Variants in CD160 observed in about 807,000 individuals in gnomAD.
The protein encoded by CD160 is CD160 antigen.
A neutral mutation model predicts 19.2 loss-of-function variants in CD160; 11 were observed. The ratio of observed to expected loss-of-function variants is 0.57; its 90% CI spans 0.36 to 0.95. CD160 has a LOEUF of 0.95. Among genes scored for constraint, CD160 ranks in the 40% least tolerant of loss-of-function variants. The pLI, the probability that CD160 is intolerant of heterozygous loss-of-function variation, is 0.01. For synonymous variants in CD160, 75 were observed against 81.1 expected (o/e 0.93, Z 0.40); for missense variants, 182 against 213.2 (o/e 0.85, Z 0.91).
chr1:145,736,831 C>T (rs1272506594), intron 5 of CD160: 1 of 152,412 alleles, frequency 6.6e-6, no homozygotes, highest in Non-Finnish European at 1.5e-5. Flanking sequence ...ACGAAAAGTC[C>T]CACACATATG....
chr1:145,738,362 C>T, intron 5 of CD160, 124 bp from the exon 6 acceptor site: 1 of 538,858 alleles, frequency 1.9e-6, no homozygotes, highest in East Asian at 3.1e-5. Flanking sequence ...TTTCCTTTTC[C>T]AATCCCTTTA....
chr1:145,730,673 T>A, intron 3 of CD160, 71 bp from the exon 4 acceptor site: 1 of 1,257,318 alleles, frequency 8.0e-7, no homozygotes, highest in Admixed American at 1.9e-5. Context: ...CTTCTAGTGA[T>A]AAGGAGCAGT....
At chr1:145,735,033 G>C (rs782728213) in intron 4 of CD160, among the ~76,000 whole-genome samples, 12 of 152,062 alleles carry the variant, frequency 7.9e-5, no homozygotes, top group Non-Finnish European at 1.8e-4. Flanking sequence ...CTTGAACCCG[G>C]GAAGCAGAGG....
intron 3 of CD160, among the ~76,000 whole-genome samples, chr1:145,728,647 G>A (rs1020189325): frequency 6.6e-6 from 1 of 151,886 alleles, no homozygotes; most frequent in Non-Finnish European, 1.5e-5. Flanking sequence ...GGGACTACAG[G>A]CTTATGCCGC....
At chr1:145,733,199 T>C (rs1553709653) in intron 4 of CD160, among the ~76,000 whole-genome samples, 1 of 152,176 alleles carries the variant, frequency 6.6e-6, no homozygotes, top group East Asian at 1.9e-4. Context: ...AGTGGCGTGA[T>C]CTCTGCTCAC....
At chr1:145,737,598 CATA>C (rs1233331448) in intron 5 of CD160, 3 of 152,086 alleles carry the variant, frequency 2.0e-5, no homozygotes, top group African/African-American at 7.2e-5. Flanking sequence ...GACCTTTAGA[CATA>C]ATTTTTTGTT....
chr1:145,731,657 C>T (rs138717571), intron 4 of CD160, among the ~76,000 whole-genome samples: 3 of 151,988 alleles, frequency 2.0e-5, no homozygotes, highest in East Asian at 1.9e-4. Flanking sequence ...GCAACTAGAG[C>T]GAAACTGTGT....
At chr1:145,727,318 A>G (rs1553708519) in intron 2 of CD160, among the ~76,000 whole-genome samples, 2 of 144,234 alleles carry the variant, frequency 1.4e-5, no homozygotes, top group Non-Finnish European at 3.0e-5. Context: ...ATATTTTGTC[A>G]CATAGATTAA....
intron 1 of CD160, among the ~76,000 whole-genome samples, chr1:145,722,740 C>T (rs1249548662): frequency 2.0e-5 from 3 of 152,106 alleles, no homozygotes; most frequent in Non-Finnish European, 2.9e-5. Context: ...TACAGGCGCC[C>T]GCCACCACGC....
Position 145,735,999 on chromosome 1 carries a change from A to G in CD160, c.403A>G (p.Thr135Ala). The stretch of plus-strand genomic sequence containing the variant: ...TCCATGATTCTCTTTTGAACCAGAG[A>G]CAGGGAACTACACAGTGACGGGATT... ...GHFFSILFTE[T>A]GNYTVTGLKQ... Residue 135 changes from threonine (T) to alanine (A), a missense_variant and splice_region_variant, in exon 5 of 6, where the codon ACA (threonine) becomes GCA (alanine). Transcript: ENST00000369288. 6.2e-7 allele frequency: 1 copy of G among 1,604,958 alleles called. No individual in the cohort carries two copies. Among genetic ancestry groups the G allele is most frequent in the Non-Finnish European group, 8.5e-7 (1 of 1,173,062 alleles).
intron 2 of CD160, among the ~76,000 whole-genome samples, chr1:145,726,827 T>C (rs1409822876): frequency 1.3e-5 from 2 of 152,176 alleles, no homozygotes; most frequent in African/African-American, 4.8e-5. Flanking sequence ...GACGAGGACT[T>C]TATGAAGAAA....
At chr1:145,730,714 C>T (rs1553709002) in intron 3 of CD160, 30 bp from the exon 4 acceptor site, 2 of 1,583,070 alleles carry the variant, frequency 1.3e-6, no homozygotes, top group Non-Finnish European at 8.6e-7. Flanking sequence ...GCTACCTGAC[C>T]TCTGGGTAAT....
Position 145,723,781 on chromosome 1 carries a change from A to G in CD160, c.-178-1020A>G, listed in dbSNP as rs139611640. Among the ~76,000 whole-genome samples, 216 of 152,210 alleles carry G rather than the reference A, an allele frequency of 1.4e-3. 1 individual carries two copies. The highest frequency in any genetic ancestry group is 6.8e-3 in the Middle Eastern group (2 of 294). The stretch of plus-strand genomic sequence containing the variant: ...GCATTTTTAGTAGAGCCAGGGTTTC[A>G]CCATGTGGGCCAGGCTGGTCTCGAA... On this transcript the variant is annotated intron_variant, in intron 1 of 5. Transcript: ENST00000369288.
In CD160 at chr1:145,739,044, GGAA is replaced by G. The variant is rs1247198097; in HGVS notation, c.*554_*556del. On this transcript the variant is annotated 3_prime_UTR_variant, in exon 6 of 6. Coordinates refer to ENST00000369288, the MANE Select transcript of CD160 (RefSeq NM_007053.4). Reference sequence around the variant, plus strand: ...TCCATACAGCACTGCTGGAGGAAGAGGAAGATTTGTGCAGACCAAGAGCACCAC... The same window carrying G: ...TCCATACAGCACTGCTGGAGGAAGAGGATTTGTGCAGACCAAGAGCACCAC... The G allele has an allele frequency of 1.3e-5, 2 of 153,314 alleles. No individual in the cohort carries two copies. Among genetic ancestry groups the G allele is most frequent in the African/African-American group, 4.8e-5 (2 of 41,656 alleles). 9.5% of individuals were successfully genotyped at this position (153,314 alleles called of 1,614,324 possible). A position where few individuals can be genotyped will look rare whatever the true frequency, so the allele number is the denominator to read the frequency against.
intron 1 of CD160, among the ~76,000 whole-genome samples, chr1:145,722,102 T>G (rs1553707882): frequency 6.6e-6 from 1 of 152,184 alleles, no homozygotes; most frequent in African/African-American, 2.4e-5. Flanking sequence ...AAAATAATAA[T>G]GGCTTAGTGT....
At chr1:145,719,958 A>C in intron 1 of CD160, among the ~76,000 whole-genome samples, 2 of 152,166 alleles carry the variant, frequency 1.3e-5, no homozygotes, top group South Asian at 4.2e-4. Context: ...CACGTCATGG[A>C]CCTCTTGGAG....
chr1:145,732,175 GA>G lies in CD160; in HGVS notation c.400+1115del, dbSNP rs781823273. Among the ~76,000 whole-genome samples the G allele has an allele frequency of 4.9e-3, 728 of 149,534 alleles. 1 individual carries two copies. The highest frequency in any genetic ancestry group is 7.2e-3 in the Non-Finnish European group (483 of 67,362). On this transcript the variant is annotated intron_variant, in intron 4 of 5. Coordinates refer to ENST00000369288, the MANE Select transcript of CD160 (RefSeq NM_007053.4). ...AGAGCAAGCCTTCAAAATTCTGTGG[GA>G]AAAAAAAAATTTACCTAGAATTATA...
At chr1:145,727,781 TC>T (rs2101381590) in intron 2 of CD160, among the ~76,000 whole-genome samples, 1 of 152,216 alleles carries the variant, frequency 6.6e-6, no homozygotes, top group Admixed American at 6.5e-5. Context: ...TATGAAAAGA[TC>T]CTCAACTTCA....
intron 2 of CD160, among the ~76,000 whole-genome samples, chr1:145,727,843 T>C (rs782133533): frequency 6.6e-6 from 1 of 152,030 alleles, no homozygotes; most frequent in Non-Finnish European, 1.5e-5. Flanking sequence ...ATCCATCAGA[T>C]TGGCAAAAAT....
Sources: allele counts gnomAD v4.1 joint callset (sites outside exome capture counted in the v4.1 genomes callset), GRCh38; gene constraint gnomAD v4.1.1; transcripts MANE v1.5; gene names NCBI Gene and HGNC (gene_info 2026-07-23, HGNC 2026-07-21).